The following KHDC1 variants were observed in gnomAD, a reference collection of about 807,000 sequenced individuals.
The protein encoded by KHDC1 is KH homology domain-containing protein 1.
A neutral mutation model predicts 24.7 loss-of-function variants in KHDC1; 21 were observed. The observed-to-expected ratio is 0.85, with a 90% CI of 0.60 to 1.23. The LOEUF is 1.23. KHDC1 is among the 50% of genes most tolerant of loss of function. The pLI is 0.00. For synonymous variants in KHDC1, 98 were observed against 111.7 expected (o/e 0.88, Z 0.77); for missense variants, 274 against 298.5 (o/e 0.92, Z 0.61).
intron 2 of KHDC1, among the ~76,000 whole-genome samples, chr6:73,251,648 G>C (rs1454687138): frequency 6.6e-6 from 1 of 151,968 alleles, no homozygotes; most frequent in Non-Finnish European, 1.5e-5. Flanking sequence ...TTGGACATAA[G>C]GAAACTCACA....
In KHDC1 at chr6:73,304,317, A is replaced by G. The variant is rs528557188; in HGVS notation, c.163+5235T>C. Among the ~76,000 whole-genome samples, 32 of 152,382 alleles carry G rather than the reference A, an allele frequency of 2.1e-4. No individual in the cohort carries two copies. In the South Asian group the frequency reaches 6.6e-3, roughly 32 times the overall value. ...AAATCTCAAAATTAAAAATGAAAAA[A>G]GTAAAGGTACAATGTATAAAATATC... is the stretch of plus-strand genomic sequence containing the variant. On this transcript the variant is annotated intron_variant, in intron 1 of 4. Transcript: ENST00000370384.
At chr6:73,272,639 G>C (rs1476143888) in intron 2 of KHDC1, among the ~76,000 whole-genome samples, 2 of 151,194 alleles carry the variant, frequency 1.3e-5, no homozygotes, top group African/African-American at 2.4e-5. Context: ...AGCCAGGTTT[G>C]GTGGCGGGTG....
chr6:73,292,366 A>T (rs1239349977), intron 1 of KHDC1: 1 of 802,258 alleles, frequency 1.2e-6, no homozygotes, highest in Non-Finnish European at 2.3e-6. Context: ...ACACATATGC[A>T]AAATTCCAGT....
At chr6:73,303,105 T>G (rs1194482364) in intron 1 of KHDC1, among the ~76,000 whole-genome samples, 1 of 152,198 alleles carries the variant, frequency 6.6e-6, no homozygotes, top group Admixed American at 6.5e-5. Flanking sequence ...ATGGAAATCC[T>G]GTCATTTTCG....
At chr6:73,261,685 G>A (rs561275489) in intron 2 of KHDC1, among the ~76,000 whole-genome samples, 68 of 151,874 alleles carry the variant, frequency 4.5e-4, no homozygotes, top group South Asian at 2.3e-3. Context: ...AGGCCAAGGC[G>A]GGTGGATCAT....
At chr6:73,245,794 G>C (rs887751063) in intron 2 of KHDC1, among the ~76,000 whole-genome samples, 18 of 152,024 alleles carry the variant, frequency 1.2e-4, no homozygotes, top group African/African-American at 3.6e-4. Flanking sequence ...GAATACGTTG[G>C]AATTCCTTAA....
Position 73,296,298 on chromosome 6 carries a change from T to C in KHDC1, c.164-4258A>G, listed in dbSNP as rs187091410. Among the ~76,000 whole-genome samples the C allele has an allele frequency of 2.7e-3, 397 of 149,602 alleles. 1 individual carries two copies. The highest frequency in any genetic ancestry group is 9.0e-3 in the African/African-American group (365 of 40,640). ...GGCAATACCCTGTCTCCTCTAAAAA[T>C]ATAAAAATTAGCCAGGTGTAATGGC... On this transcript the variant is annotated intron_variant, in intron 1 of 4. Coordinates refer to ENST00000370384, the Ensembl canonical transcript of KHDC1.
Position 73,309,624 on chromosome 6 carries a change from GC to G in KHDC1, c.90del (p.Trp30CysfsTer11). On this transcript the variant is annotated frameshift_variant, in exon 1 of 5. Coordinates refer to ENST00000370384, the Ensembl canonical transcript of KHDC1. LOFTEE classifies it high-confidence loss of function. Reference sequence around the variant, plus strand: ...AGCATCGCAAGGGTCTGGAGAAAGGGCCATCCATAAATGAAGATCAGGACTC... The same window carrying G: ...AGCATCGCAAGGGTCTGGAGAAAGGGCATCCATAAATGAAGATCAGGACTC... 3 of 1,549,786 alleles carry G rather than the reference GC, an allele frequency of 1.9e-6. No homozygotes were observed. The highest frequency in any genetic ancestry group is 1.7e-6 in the Non-Finnish European group (2 of 1,146,694).
intron 1 of KHDC1, among the ~76,000 whole-genome samples, chr6:73,298,708 C>G (rs1247701447): frequency 6.6e-6 from 1 of 151,848 alleles, no homozygotes. Context: ...GCTGGGATTA[C>G]AGGCTTGAGC....
intron 2 of KHDC1, among the ~76,000 whole-genome samples, chr6:73,253,572 TAATAA>T: frequency 6.6e-6 from 1 of 150,556 alleles, no homozygotes; most frequent in Non-Finnish European, 1.5e-5. Context: ...AATAAATAAA[TAATAA>T]AATAAAATAA....
intron 2 of KHDC1, among the ~76,000 whole-genome samples, chr6:73,273,190 CG>C (rs1562252713): frequency 7.7e-6 from 1 of 130,562 alleles, no homozygotes. Context: ...GTTTTTGAGA[CG>C]GAGTCTCTCT....
chr6:73,285,914 C>G (rs1336495426), intron 2 of KHDC1, among the ~76,000 whole-genome samples: 2 of 152,130 alleles, frequency 1.3e-5, no homozygotes, highest in African/African-American at 4.8e-5. Flanking sequence ...AACTCCATCC[C>G]CAGCTTGTTC....
At chr6:73,289,515 G>A (rs1323527602) in intron 2 of KHDC1, among the ~76,000 whole-genome samples, 1 of 151,744 alleles carries the variant, frequency 6.6e-6, no homozygotes, top group Non-Finnish European at 1.5e-5. Context: ...CCAGGCCATG[G>A]TGGCTCATGC....
At chr6:73,263,175 CGAG>C in intron 2 of KHDC1, 1 of 986,940 alleles carries the variant, frequency 1.0e-6, no homozygotes, top group Non-Finnish European at 1.2e-6. Context: ...CGCGGCCGCG[CGAG>C]GCGCGCTCGA....
intron 2 of KHDC1, among the ~76,000 whole-genome samples, chr6:73,254,114 GGAC>G (rs1248782524): frequency 3.9e-5 from 6 of 152,062 alleles, no homozygotes; most frequent in African/African-American, 9.7e-5. Flanking sequence ...TTATAGGCAT[GGAC>G]TAAGGAGGGC....
chr6:73,309,742 G>A, exon 1 of KHDC1: 3 of 1,548,788 alleles, frequency 1.9e-6, no homozygotes, highest in Non-Finnish European at 2.6e-6. Flanking sequence ...GGAAAGTAAG[G>A]GTGCGCTAAG....
exon 1 of KHDC1, chr6:73,310,141 A>G: frequency 5.2e-6 from 1 of 193,870 alleles, no homozygotes; most frequent in Non-Finnish European, 1.0e-5. Context: ...GCCTCCAGGA[A>G]AGCCCGAGGC....
chr6:73,270,729 C>T (rs1052561184), intron 2 of KHDC1, among the ~76,000 whole-genome samples: 2 of 150,566 alleles, frequency 1.3e-5, no homozygotes, highest in South Asian at 2.1e-4. Flanking sequence ...TTGCTCTTGT[C>T]GCCCAGGCTA....
intron 2 of KHDC1, among the ~76,000 whole-genome samples, chr6:73,283,041 A>G (rs1299499434): frequency 1.3e-5 from 2 of 152,220 alleles, no homozygotes. Flanking sequence ...GGTACATGCT[A>G]TTAACATGAC....
Sources: allele counts gnomAD v4.1 joint callset (sites outside exome capture counted in the v4.1 genomes callset), GRCh38; gene constraint gnomAD v4.1.1; transcripts MANE v1.5; gene names NCBI Gene and HGNC (gene_info 2026-07-23, HGNC 2026-07-21).